The following CENPI variants were observed in gnomAD, a reference collection of about 807,000 sequenced individuals.
The protein encoded by CENPI is centromere protein I.
In CENPI, 4 loss-of-function variants were observed where a neutral mutation model predicts 60.4. The ratio of observed to expected loss-of-function variants is 0.07; its 90% CI spans 0.03 to 0.15. CENPI has a LOEUF of 0.15. Among genes scored for constraint, CENPI ranks in the 10% least tolerant of loss-of-function variants. The probability of loss-of-function intolerance (pLI) is 1.00; values close to 1 mark genes in which losing one functional copy is unlikely to be tolerated. For synonymous variants in CENPI, 157 were observed against 189.4 expected (o/e 0.83, Z 1.40); for missense variants, 444 against 534.5 (o/e 0.83, Z 1.67).
chrX:101,123,522 C>G (rs1440930737), intron 8 of CENPI, among the ~76,000 whole-genome samples: 1 of 111,705 alleles, frequency 9.0e-6, no homozygotes, highest in Non-Finnish European at 1.9e-5. Flanking sequence ...AGCTTTGTCT[C>G]TGTTTCCTCA....
intron 11 of CENPI, 112 bp downstream of exon 11, chrX:101,127,777 C>A: frequency 1.7e-6 from 1 of 590,748 alleles, no homozygotes; most frequent in Non-Finnish European, 2.6e-6. Context: ...TACCTGTCAC[C>A]CAGGCAGTGG....
At chrX:101,113,742 T>G (rs757829360) in intron 6 of CENPI, among the ~76,000 whole-genome samples, 1 of 112,668 alleles carries the variant, frequency 8.9e-6, no homozygotes, top group South Asian at 3.6e-4. Flanking sequence ...TATTTTTTAT[T>G]CTTTCATTGA....
At chrX:101,101,595 G>A (rs1385850297) in intron 3 of CENPI, among the ~76,000 whole-genome samples, 2 of 99,425 alleles carry the variant, frequency 2.0e-5, no homozygotes, top group African/African-American at 9.6e-5. Context: ...CAAACAAACT[G>A]ATGTCAGGCA....
chrX:101,126,588 C>T (rs1253984350), intron 8 of CENPI, 121 bp from the exon 9 acceptor site: 7 of 523,330 alleles, frequency 1.3e-5, no homozygotes, highest in Non-Finnish European at 2.3e-5. Context: ...ATAGCATCTT[C>T]CTATAGCTAT....
the CENPI span, among the ~76,000 whole-genome samples, chrX:101,174,700 T>C: frequency 9.0e-6 from 1 of 110,811 alleles, no homozygotes; most frequent in Non-Finnish European, 1.9e-5. Flanking sequence ...GAAAAACTAT[T>C]GGGTACTATG....
At chrX:101,141,590 C>T (rs978058344) in intron 16 of CENPI, among the ~76,000 whole-genome samples, 1 of 111,593 alleles carries the variant, frequency 9.0e-6, no homozygotes, top group Non-Finnish European at 1.9e-5. Flanking sequence ...GTGATCTGCC[C>T]GCCTCAGCTT....
chrX:101,104,830 C>T (rs1265796735), intron 4 of CENPI, among the ~76,000 whole-genome samples: 12 of 100,935 alleles, frequency 1.2e-4, no homozygotes, highest in Non-Finnish European at 2.0e-4. Context: ...GTGTGGGCCA[C>T]AGAGCAAGAC....
At chrX:101,158,462 G>T (rs1381586207) in intron 20 of CENPI, among the ~76,000 whole-genome samples, 2 of 108,762 alleles carry the variant, frequency 1.8e-5, no homozygotes, top group Non-Finnish European at 3.8e-5. Context: ...ATTTTTAGTA[G>T]AGACGGAGTT....
chrX:101,135,070 T>C (rs1179864976), intron 15 of CENPI, among the ~76,000 whole-genome samples: 2 of 111,467 alleles, frequency 1.8e-5, no homozygotes, highest in African/African-American at 3.3e-5. Context: ...ATGTCTCTGA[T>C]GTTGAAAAAC....
chrX:101,111,032 G>A (rs1402889326), intron 6 of CENPI, among the ~76,000 whole-genome samples: 3 of 111,353 alleles, frequency 2.7e-5, no homozygotes, highest in Non-Finnish European at 5.7e-5. Flanking sequence ...CCTAATTAGA[G>A]GTGGTGTTAG....
At chrX:101,127,370 A>G in intron 10 of CENPI, 104 bp downstream of exon 10, 2 of 958,524 alleles carry the variant, frequency 2.1e-6, no homozygotes, top group Middle Eastern at 8.2e-4. Context: ...AGTATATGTC[A>G]GTTACCCAGG....
chrX:101,116,371 A>G (rs982553555), intron 6 of CENPI, among the ~76,000 whole-genome samples: 1 of 109,931 alleles, frequency 9.1e-6, no homozygotes, highest in African/African-American at 3.3e-5. Flanking sequence ...TCTTCTTCCA[A>G]TGTGGCCCGG....
intron 13 of CENPI, among the ~76,000 whole-genome samples, chrX:101,130,956 AGAT>A (rs764697263): frequency 2.7e-5 from 3 of 111,558 alleles, no homozygotes; most frequent in Non-Finnish European, 3.8e-5. Flanking sequence ...CTTCATGTAT[AGAT>A]GTTCAGCTTG....
Position 101,101,260 on chromosome X carries a change from G to T in CENPI, c.190G>T (p.Asp64Tyr). The change falls in exon 3 of 22, where the codon GAT (aspartate) becomes TAT (tyrosine). Residue 64 changes from aspartate to tyrosine, a missense_variant. By Grantham distance (160) the Asp-to-Tyr change is radical. Transcript: ENST00000682095. ...ACATGCTGATGATCAAGCTGAAGAAGATGCTTTGCAAATGGCAGTGGGATA... is the reference window on the plus strand; with the variant it reads ...ACATGCTGATGATCAAGCTGAAGAATATGCTTTGCAAATGGCAGTGGGATA... The part of the protein sequence containing the change: ...YEHADDQAEE[D>Y]ALQMAVGYFE... The T allele has an allele frequency of 8.3e-7, 1 of 1,207,474 alleles. No homozygotes were observed. Among genetic ancestry groups the T allele is most frequent in the Middle Eastern group, 2.3e-4 (1 of 4,347 alleles).
intron 4 of CENPI, 81 bp downstream of exon 4, chrX:101,102,492 T>TACACACACACAC (rs199742109): frequency 1.5e-4 from 44 of 301,309 alleles, no homozygotes; most frequent in African/African-American, 3.9e-4. Flanking sequence ...ATCTTATATA[T>TACACACACACAC]ATATACACAC....
intron 6 of CENPI, 37 bp from the exon 7 acceptor site, chrX:101,120,362 ATAT>A (rs2089664445): frequency 3.1e-6 from 2 of 653,695 alleles, no homozygotes; most frequent in Admixed American, 5.4e-5. Context: ...TGTTCAAGAC[ATAT>A]TATCATTTCT....
At chrX:101,120,846 T>C in intron 8 of CENPI, 62 bp downstream of exon 8, 1 of 916,003 alleles carries the variant, frequency 1.1e-6, no homozygotes, top group Non-Finnish European at 1.5e-6. Context: ...GAGCCAGGCA[T>C]TGGGAATACA....
chrX:101,108,936 TGTG>T (rs1462175031), intron 4 of CENPI, among the ~76,000 whole-genome samples: 13 of 111,374 alleles, frequency 1.2e-4, no homozygotes, highest in Middle Eastern at 9.3e-3. Context: ...CATGAGCCAC[TGTG>T]CCTAACTATT....
chrX:101,128,918 C>T, intron 12 of CENPI, 82 bp downstream of exon 12: 1 of 784,196 alleles, frequency 1.3e-6, no homozygotes, highest in South Asian at 2.8e-5. Flanking sequence ...ACAGCAGGAG[C>T]CTTCATATGC....
Sources: allele counts gnomAD v4.1 joint callset (sites outside exome capture counted in the v4.1 genomes callset), GRCh38; gene constraint gnomAD v4.1.1; transcripts MANE v1.5; gene names NCBI Gene and HGNC (gene_info 2026-07-23, HGNC 2026-07-21).